APBB1IP: variants seen among roughly 807,000 people sequenced by gnomAD.
The protein encoded by APBB1IP is amyloid beta A4 precursor protein-binding family B member 1-interacting protein.
In APBB1IP, 27 loss-of-function variants were observed where a neutral mutation model predicts 64.9. The observed-to-expected ratio is 0.42, with a 90% CI of 0.31 to 0.57. The LOEUF is 0.57. Ranked by LOEUF, APBB1IP falls within the 20% of genes least tolerant of loss-of-function variation. The pLI, the probability that APBB1IP is intolerant of heterozygous loss-of-function variation, is 0.20. For missense variants in APBB1IP, 812 were observed against 845.5 expected (o/e 0.96, Z 0.49); for synonymous variants, 392 against 331.0 (o/e 1.18, Z -2.00).
intron 2 of APBB1IP, among the ~76,000 whole-genome samples, chr10:26,441,338 A>T (rs989879234): frequency 6.6e-6 from 1 of 152,316 alleles, no homozygotes; most frequent in Non-Finnish European, 1.5e-5. Context: ...AAACTGCTAG[A>T]TATCTGGAAC....
At chr10:26,470,699 A>G (rs1835705865) in intron 2 of APBB1IP, among the ~76,000 whole-genome samples, 1 of 152,192 alleles carries the variant, frequency 6.6e-6, no homozygotes, top group Non-Finnish European at 1.5e-5. Flanking sequence ...TCAATTTACG[A>G]TGGGTTTTTC....
chr10:26,475,539 T>C (rs1040316329), intron 2 of APBB1IP, among the ~76,000 whole-genome samples: 7 of 152,184 alleles, frequency 4.6e-5, no homozygotes, highest in African/African-American at 1.4e-4. Context: ...ATGTTGTCTA[T>C]ATGGCTTATT....
chr10:26,517,494 C>T (rs943187713), intron 8 of APBB1IP, among the ~76,000 whole-genome samples: 1 of 152,250 alleles, frequency 6.6e-6, no homozygotes, highest in Non-Finnish European at 1.5e-5. Context: ...CCAGATCTTG[C>T]AGTGGCACGA....
intron 6 of APBB1IP, among the ~76,000 whole-genome samples, chr10:26,510,731 G>GTCTCTC (rs147913300): frequency 0.01 from 1,255 of 121,586 alleles, 8 homozygotes; most frequent in Middle Eastern, 0.017. Flanking sequence ...GCAAGACCCT[G>GTCTCTC]TCTCACACAC....
chr10:26,543,506 G>A (rs1352192760), intron 11 of APBB1IP, among the ~76,000 whole-genome samples: 1 of 150,352 alleles, frequency 6.7e-6, no homozygotes, highest in Non-Finnish European at 1.5e-5. Context: ...AAAATGTGTT[G>A]AATGACAACT....
At chr10:26,499,608 C>T (rs2132436365) in intron 4 of APBB1IP, among the ~76,000 whole-genome samples, 1 of 152,272 alleles carries the variant, frequency 6.6e-6, no homozygotes, top group South Asian at 2.1e-4. Context: ...TTGTTCATTA[C>T]ATTCACTATA....
intron 11 of APBB1IP, among the ~76,000 whole-genome samples, chr10:26,543,309 A>T (rs11015163): frequency 0.26 from 40,088 of 151,672 alleles, 6,238 homozygotes; most frequent in Non-Finnish European, 0.34. Context: ...TCTGCTAAAA[A>T]TACAAACAGT....
intron 2 of APBB1IP, among the ~76,000 whole-genome samples, chr10:26,464,231 T>C (rs1335541): frequency 0.37 from 56,012 of 151,944 alleles, 10,392 homozygotes; most frequent in South Asian, 0.5. Context: ...CAGACTGTTA[T>C]AAAGTCATTT....
At chr10:26,556,503 CCTATAG>C (rs780564908) in intron 11 of APBB1IP, among the ~76,000 whole-genome samples, 1 of 152,182 alleles carries the variant, frequency 6.6e-6, no homozygotes, top group Non-Finnish European at 1.5e-5. Context: ...TGAGACCTGA[CCTATAG>C]CAAGGTTTAT....
chr10:26,541,323 T>C (rs969105319), intron 10 of APBB1IP, among the ~76,000 whole-genome samples: 1 of 152,216 alleles, frequency 6.6e-6, no homozygotes, highest in African/African-American at 2.4e-5. Flanking sequence ...GTTGGGAACA[T>C]TCAATATCTT....
At chr10:26,478,342 G>C (rs1243274242) in intron 2 of APBB1IP, among the ~76,000 whole-genome samples, 2 of 152,222 alleles carry the variant, frequency 1.3e-5, no homozygotes, top group African/African-American at 4.8e-5. Context: ...CAGTGAGTGG[G>C]GCGGGAGGAT....
intron 2 of APBB1IP, among the ~76,000 whole-genome samples, chr10:26,439,441 G>C (rs1314732784): frequency 6.6e-6 from 1 of 152,074 alleles, no homozygotes; most frequent in East Asian, 1.9e-4. Context: ...ATACCATAAA[G>C]ATAGATTTGG....
rs1417471391 is a variant in APBB1IP at position 26,513,633 on chromosome 10, G to C, written c.786G>C (p.Glu262Asp). 6.2e-7 allele frequency: 1 copy of C among 1,612,412 alleles called. No individual in the cohort carries two copies. The highest frequency in any genetic ancestry group is 8.5e-7 in the Non-Finnish European group (1 of 1,179,538). ...AAATACTATTTTTGGAGAAAGAGGA[G>C]AAATATGCTGTATTTAAAAACCCCC... Reference protein sequence around the residue: ...ENKILFLEKEEKYAVFKNPQN... With the variant: ...ENKILFLEKEDKYAVFKNPQN... Residue 262 changes from glutamate (E) to aspartate (D), a missense_variant, in exon 8 of 15, where the codon GAG becomes GAC. Coordinates refer to ENST00000376236, the MANE Select transcript of APBB1IP (RefSeq NM_019043.4).
chr10:26,524,974 T>TTTTTTTTTTTTTTTTTTTTTTTTTA lies in APBB1IP; in HGVS notation c.814-8465_814-8464insTTTTTTTTTTTTTTTTTTTTTTTTA, dbSNP rs1554778195. Among the ~76,000 whole-genome samples the TTTTTTTTTTTTTTTTTTTTTTTTTA allele has an allele frequency of 4.5e-4, 57 of 126,754 alleles. 3 individuals are homozygous for TTTTTTTTTTTTTTTTTTTTTTTTTA. Among genetic ancestry groups the TTTTTTTTTTTTTTTTTTTTTTTTTA allele is most frequent in the Non-Finnish European group, 8.1e-4 (47 of 58,160 alleles). 83.2% of individuals were successfully genotyped at this position (126,754 alleles called of 152,430 possible). On this transcript the variant is annotated intron_variant, in intron 8 of 14. Coordinates refer to ENST00000376236, the MANE Select transcript of APBB1IP (RefSeq NM_019043.4). ...TTCTTTCTTTTTTTTTTTTTTTTTTTATAAAAAAAGGAATCCTGGCAAGAG... is the reference window on the plus strand; with the variant it reads ...TTCTTTCTTTTTTTTTTTTTTTTTTTTTTTTTTTTTTTTTTTTTTTTTTTAATAAAAAAAGGAATCCTGGCAAGAG...
chr10:26,566,091 GT>G (rs571813199), intron 14 of APBB1IP, among the ~76,000 whole-genome samples: 1 of 151,794 alleles, frequency 6.6e-6, no homozygotes, highest in East Asian at 1.9e-4. Context: ...AGTTACATTC[GT>G]TTTTTTTGCT....
chr10:26,487,709 T>C (rs1346574755), intron 2 of APBB1IP, among the ~76,000 whole-genome samples: 1 of 152,190 alleles, frequency 6.6e-6, no homozygotes, highest in East Asian at 1.9e-4. Flanking sequence ...CATTAACCTG[T>C]TATATAGCAG....
At chr10:26,556,213 A>C (rs1461338664) in intron 11 of APBB1IP, among the ~76,000 whole-genome samples, 1 of 152,222 alleles carries the variant, frequency 6.6e-6, no homozygotes, top group Non-Finnish European at 1.5e-5. Flanking sequence ...CATTTTCCTG[A>C]AACCTCTTTG....
intron 8 of APBB1IP, among the ~76,000 whole-genome samples, chr10:26,519,609 G>A (rs1158574822): frequency 1.3e-5 from 2 of 152,170 alleles, no homozygotes; most frequent in Non-Finnish European, 2.9e-5. Context: ...GATGAAATTT[G>A]GGCCAGGCCA....
At chr10:26,516,704 G>T (rs996082598) in intron 8 of APBB1IP, among the ~76,000 whole-genome samples, 1 of 152,032 alleles carries the variant, frequency 6.6e-6, no homozygotes, top group Non-Finnish European at 1.5e-5. Context: ...AAGATAAGAT[G>T]AACATAGAGT....
Sources: gnomAD v4.1 joint callset for allele counts (sites outside exome capture counted in the v4.1 genomes callset) on GRCh38, gnomAD v4.1.1 for gene constraint, MANE v1.5 for transcripts, NCBI Gene and HGNC (gene_info 2026-07-23, HGNC 2026-07-21) for gene names.